The following PROCA1 variants were observed in gnomAD, a reference collection of about 807,000 sequenced individuals.
PROCA1 encodes protein PROCA1.
A neutral mutation model predicts 23.2 loss-of-function variants in PROCA1; 22 were observed. The ratio of observed to expected loss-of-function variants is 0.95; its 90% CI spans 0.68 to 1.35. The LOEUF is 1.35. Among genes scored for constraint, PROCA1 ranks in the 40% most tolerant of loss-of-function variants. PROCA1 has a pLI of 0.00. For missense variants in PROCA1, 469 were observed against 459.8 expected (o/e 1.02, Z -0.18); for synonymous variants, 182 against 179.2 (o/e 1.02, Z -0.12).
intron 1 of PROCA1, among the ~76,000 whole-genome samples, chr17:28,709,680 C>A (rs2032689655): frequency 6.6e-6 from 1 of 151,894 alleles, no homozygotes; most frequent in Non-Finnish European, 1.5e-5. Flanking sequence ...TAAAATAAAT[C>A]ACGTTCAGCT....
chr17:28,709,188 T>C (rs1433519257), intron 1 of PROCA1, among the ~76,000 whole-genome samples: 1 of 152,230 alleles, frequency 6.6e-6, no homozygotes, highest in East Asian at 1.9e-4. Flanking sequence ...TACTGTTGGC[T>C]GGGGACACAC....
chr17:28,703,891 C>T lies in PROCA1; in HGVS notation c.762G>A (p.Lys254=). The part of the protein sequence containing the change: ...KDKEEMDEKA[K]LKKKAKKGQL... ...GGCCTTTCTTGGCTTTTTTCTTCAG[C>T]TTTGCCTTCTCATCCATCTCCTCCT... Residue 254 remains lysine, a synonymous_variant, in exon 5 of 5, where the codon AAG becomes AAA. Coordinates refer to ENST00000682792, the MANE Select transcript of PROCA1 (RefSeq NM_001366301.1). 6.2e-7 allele frequency: 1 copy of T among 1,614,114 alleles called. No homozygotes were observed. Among genetic ancestry groups the T allele is most frequent in the South Asian group, 1.1e-5 (1 of 91,078 alleles).
At chr17:28,708,826 T>C (rs1053523899) in intron 1 of PROCA1, among the ~76,000 whole-genome samples, 16 of 150,944 alleles carry the variant, frequency 1.1e-4, no homozygotes, top group African/African-American at 3.7e-4. Context: ...CAAAACCCCA[T>C]CTCTACAAAA....
chr17:28,711,459 C>T (rs2032779650), intron 1 of PROCA1, 111 bp downstream of exon 1: 2 of 906,410 alleles, frequency 2.2e-6, no homozygotes, highest in Non-Finnish European at 3.2e-6. Flanking sequence ...CCCCGCCTCT[C>T]TCGTTGGTTT....
intron 3 of PROCA1, 73 bp from the exon 4 acceptor site, chr17:28,704,508 A>C: frequency 6.4e-7 from 1 of 1,566,340 alleles, no homozygotes; most frequent in South Asian, 1.2e-5. Context: ...CCTGAGGGAC[A>C]GTGGGCTTCC....
chr17:28,710,529 A>AAG (rs1555553420), intron 1 of PROCA1, among the ~76,000 whole-genome samples: 2,661 of 141,672 alleles, frequency 0.019, 76 homozygotes, highest in South Asian at 0.035. Context: ...AAAAAAAAAA[A>AAG]GCACACATGC....
At position 28,711,670 on chromosome 17, in the gene PROCA1, C is replaced by T. The variant is rs201591121; in HGVS notation, c.-10G>A. 1.1e-3 allele frequency: 1,694 copies of T among 1,611,336 alleles called. 4 individuals carry two copies. The highest frequency in any genetic ancestry group is 2.0e-3 in the South Asian group (182 of 90,942). On this transcript the variant is annotated 5_prime_UTR_variant, in exon 1 of 5. Coordinates refer to ENST00000682792, the MANE Select transcript of PROCA1 (RefSeq NM_001366301.1). Reference sequence around the variant, plus strand: ...TCGTCCTGACCCACATCGCTCTCCGCCCAGGTCTTCGTCTCTACAGGACTC... The same window carrying T: ...TCGTCCTGACCCACATCGCTCTCCGTCCAGGTCTTCGTCTCTACAGGACTC...
At chr17:28,711,055 G>A (rs1260041040) in intron 1 of PROCA1, 2 of 1,178,460 alleles carry the variant, frequency 1.7e-6, no homozygotes, top group Non-Finnish European at 2.1e-6. Context: ...AGGAAGCAAG[G>A]GAGGGGCAGT....
At chr17:28,704,888 C>T in intron 2 of PROCA1, 45 bp from the exon 3 acceptor site, 1 of 1,588,192 alleles carries the variant, frequency 6.3e-7, no homozygotes, top group South Asian at 1.1e-5. Flanking sequence ...CCGCAGACCT[C>T]TGGGTCTTCC....
At chr17:28,704,943 G>A in intron 2 of PROCA1, 100 bp from the exon 3 acceptor site, 5 of 1,135,322 alleles carry the variant, frequency 4.4e-6, no homozygotes, top group South Asian at 4.4e-5. Context: ...GCCACCACCA[G>A]CTGTCCACCC....
chr17:28,710,823 T>A, intron 1 of PROCA1: 1 of 1,303,954 alleles, frequency 7.7e-7, no homozygotes, highest in Non-Finnish European at 1.0e-6. Flanking sequence ...ATGGCGTCTT[T>A]CCCCGTGAGG....
rs978001106 is a variant in PROCA1, at chr17:28,703,335, G to A, written c.*223C>T. 6.4e-5 allele frequency: 37 copies of A among 575,860 alleles called. No homozygotes were observed. Among genetic ancestry groups the A allele is most frequent in the Non-Finnish European group, 8.3e-5 (27 of 326,274 alleles). 35.7% of individuals were successfully genotyped at this position (575,860 alleles called of 1,614,324 possible). On this transcript the variant is annotated 3_prime_UTR_variant, in exon 5 of 5. Transcript: ENST00000682792. The stretch of plus-strand genomic sequence containing the variant: ...CACCCCAGATACACTCTTCCACCTT[G>A]TCCTAGCAGGTAGGAAGAAATAGGG...
At chr17:28,709,418 G>A (rs1193639049) in intron 1 of PROCA1, among the ~76,000 whole-genome samples, 1 of 151,900 alleles carries the variant, frequency 6.6e-6, no homozygotes, top group African/African-American at 2.4e-5. Flanking sequence ...ACCATGCCCG[G>A]CTAATTTTAT....
rs1258559975 is a variant in PROCA1, at chr17:28,703,718, C to T, written c.935G>A (p.Arg312Gln). Reference sequence around the variant, plus strand: ...CTCGCTGGACAGTTCTCCCTGCCCCCGGCCATTGTAACTGTCCTCGCTCTC... The same window carrying T: ...CTCGCTGGACAGTTCTCCCTGCCCCTGGCCATTGTAACTGTCCTCGCTCTC... ...ELESEDSYNG[R>Q]GQGELSSEDI... The change falls in exon 5 of 5, where the codon CGG (arginine) becomes CAG (glutamine). Residue 312 changes from arginine (R) to glutamine (Q), a missense_variant. By Grantham distance (43) the Arg-to-Gln change is conservative. Transcript: ENST00000682792. The T allele has an allele frequency of 9.3e-6, 15 of 1,614,028 alleles. No homozygotes were observed. Among genetic ancestry groups the T allele is most frequent in the Middle Eastern group, 1.6e-4 (1 of 6,084 alleles).
chr17:28,710,506 C>CAA (rs71278535), intron 1 of PROCA1, among the ~76,000 whole-genome samples: 239 of 29,406 alleles, frequency 8.1e-3, no homozygotes, highest in Middle Eastern at 0.014. Flanking sequence ...GATTCCATCT[C>CAA]AAAAAAAAAA....
At position 28,711,582 on chromosome 17, in the gene PROCA1, T is replaced by C. The variant is rs1399745798; in HGVS notation, c.79A>G (p.Ser27Gly). ...TEPKARSWDE[S>G]RCRDVNRLPS... ...CCGCCCCTCTTACCGCGGCATCTGCTCTCATCCCACGAGCGGGCCTTGGGC... is the reference window on the plus strand; with the variant it reads ...CCGCCCCTCTTACCGCGGCATCTGCCCTCATCCCACGAGCGGGCCTTGGGC... The change falls in exon 1 of 5, where the codon AGC becomes GGC. Residue 27 changes from serine (S) to glycine (G), a missense_variant. Physicochemically the swap from Ser to Gly is moderately conservative, Grantham distance 56. Coordinates refer to ENST00000682792, the MANE Select transcript of PROCA1 (RefSeq NM_001366301.1). The C allele has an allele frequency of 4.3e-6, 7 of 1,610,556 alleles. No homozygotes were observed. The highest frequency in any genetic ancestry group is 5.9e-6 in the Non-Finnish European group (7 of 1,179,034).
At chr17:28,705,964 ACCT>A (rs1408846326) in intron 2 of PROCA1, 3 of 152,342 alleles carry the variant, frequency 2.0e-5, no homozygotes, top group Non-Finnish European at 4.4e-5. Flanking sequence ...CTAGGGTGAG[ACCT>A]CATACCGGCC....
Position 28,704,848 on chromosome 17 carries a change from G to C in PROCA1, c.176-5C>G, listed in dbSNP as rs1261357066. 1 of 1,611,720 alleles carries C rather than the reference G, an allele frequency of 6.2e-7. No homozygotes were observed. Among genetic ancestry groups the C allele is most frequent in the Non-Finnish European group, 8.5e-7 (1 of 1,179,648 alleles). ...TGTCAGGCTCCTTGCAGTCACCTGAGGGGGCAGGAGTCTGGGTCATCAGTA... is the reference window on the plus strand; with the variant it reads ...TGTCAGGCTCCTTGCAGTCACCTGACGGGGCAGGAGTCTGGGTCATCAGTA... On this transcript the variant is annotated splice_region_variant and splice_polypyrimidine_tract_variant and intron_variant, in intron 2 of 4. Transcript: ENST00000682792.
At chr17:28,707,695 T>C (rs1567716902) in intron 1 of PROCA1, 1 of 152,246 alleles carries the variant, frequency 6.6e-6, no homozygotes, top group Non-Finnish European at 1.5e-5. Flanking sequence ...TTACAGGCTA[T>C]AGACATCATA....
Sources: gnomAD v4.1 joint callset for allele counts (sites outside exome capture counted in the v4.1 genomes callset) on GRCh38, gnomAD v4.1.1 for gene constraint, MANE v1.5 for transcripts, NCBI Gene and HGNC (gene_info 2026-07-23, HGNC 2026-07-21) for gene names.